Variants in TTC7A observed in about 807,000 individuals in gnomAD.
TTC7A encodes tetratricopeptide repeat protein 7A.
Under a neutral mutation model 103.7 loss-of-function variants are expected in TTC7A, and 110 were observed. The ratio of observed to expected loss-of-function variants is 1.06; its 90% confidence interval spans 0.91 to 1.24. The LOEUF is 1.24. Among genes scored for constraint, TTC7A ranks in the 50% most tolerant of loss-of-function variants. TTC7A has a pLI of 0.00. For synonymous variants in TTC7A, 521 were observed against 467.9 expected (o/e 1.11, Z -1.47); for missense variants, 1,340 against 1,116.3 (o/e 1.20, Z -2.86).
At chr2:47,019,472 C>T (rs541338793) in intron 11 of TTC7A, among the ~76,000 whole-genome samples, 24 of 152,194 alleles carry the variant, frequency 1.6e-4, no homozygotes, top group African/African-American at 4.8e-4. Flanking sequence ...CAAATGCTGA[C>T]ACCAGGCTTA....
At chr2:47,031,340 G>A (rs1235434485) in intron 15 of TTC7A, among the ~76,000 whole-genome samples, 1 of 152,156 alleles carries the variant, frequency 6.6e-6, no homozygotes, top group African/African-American at 2.4e-5. Context: ...AAAAGATGTA[G>A]GTTCCCCACT....
At chr2:46,928,045 C>T (rs1424489166) in intron 2 of TTC7A, among the ~76,000 whole-genome samples, 1 of 151,648 alleles carries the variant, frequency 6.6e-6, no homozygotes, top group Non-Finnish European at 1.5e-5. Context: ...GCATACACCA[C>T]CACGCCCAGC....
chr2:46,960,237 A>C lies in TTC7A; in HGVS notation c.517+3230A>C, dbSNP rs559912364. Among the ~76,000 whole-genome samples the C allele has an allele frequency of 4.6e-5, 7 of 152,278 alleles. No individual in the cohort carries two copies. The East Asian group carries it at 1.2e-3, about 25-fold the overall frequency. On this transcript the variant is annotated intron_variant, in intron 3 of 19. Coordinates refer to ENST00000319190, the MANE Select transcript of TTC7A (RefSeq NM_020458.4). ...CTTCAGCTGCTCCTGGCTGCAGAGAAGTCATCATATTGACCTGTTGCTCAG... is the reference window on the plus strand; with the variant it reads ...CTTCAGCTGCTCCTGGCTGCAGAGACGTCATCATATTGACCTGTTGCTCAG...
At chr2:46,994,151 T>C in intron 6 of TTC7A, 2 of 599,638 alleles carry the variant, frequency 3.3e-6, no homozygotes, top group Non-Finnish European at 5.9e-6. Context: ...AGGAGCCGTC[T>C]GAGGCCAGCA....
intron 19 of TTC7A, among the ~76,000 whole-genome samples, chr2:47,064,972 G>A (rs1684068262): frequency 6.6e-6 from 1 of 152,214 alleles, no homozygotes; most frequent in African/African-American, 2.4e-5. Flanking sequence ...AGATACTCAG[G>A]GAAAACGAGA....
intron 2 of TTC7A, among the ~76,000 whole-genome samples, chr2:46,919,644 T>A (rs1668995407): frequency 6.6e-6 from 1 of 152,242 alleles, no homozygotes; most frequent in Non-Finnish European, 1.5e-5. Flanking sequence ...ATCTCAAGCC[T>A]GGTTAACAAC....
chr2:46,982,220 C>G (rs1453723587), intron 5 of TTC7A, among the ~76,000 whole-genome samples: 1 of 151,618 alleles, frequency 6.6e-6, no homozygotes, highest in East Asian at 1.9e-4. Flanking sequence ...AAAAAATAAA[C>G]AAAACTGGCC....
intron 19 of TTC7A, among the ~76,000 whole-genome samples, chr2:47,067,250 C>G (rs886599007): frequency 2.0e-5 from 3 of 152,388 alleles, no homozygotes; most frequent in East Asian, 1.9e-4. Context: ...AATCTAGACT[C>G]TCTTGTGACT....
intron 11 of TTC7A, among the ~76,000 whole-genome samples, chr2:47,017,198 C>G (rs1307195901): frequency 4.9e-5 from 3 of 61,366 alleles, no homozygotes; most frequent in African/African-American, 1.6e-4. Context: ...GACACTCTGT[C>G]TCAAAAAAAA....
intron 2 of TTC7A, among the ~76,000 whole-genome samples, chr2:46,935,511 G>A (rs1669935181): frequency 1.3e-5 from 2 of 152,176 alleles, no homozygotes; most frequent in Admixed American, 6.5e-5. Context: ...TCAGGGTAGT[G>A]TTCTCCCTTC....
chr2:47,046,392 T>C lies in TTC7A; in HGVS notation c.1880T>C (p.Leu627Pro), dbSNP rs768074704. The C allele has an allele frequency of 1.2e-6, 2 of 1,614,206 alleles. No homozygotes were observed. Among genetic ancestry groups the C allele is most frequent in the East Asian group, 2.2e-5 (1 of 44,872 alleles). The change falls in exon 16 of 20, where the codon CTG becomes CCG. Residue 627 changes from leucine to proline, a missense_variant. Leu to Pro is a moderately conservative substitution (Grantham distance 98). Coordinates refer to ENST00000319190, the MANE Select transcript of TTC7A (RefSeq NM_020458.4). ...GCCCTCGTGACCTGCAGACAAGTGC[T>C]GAGGCTGTGGCAGACCCTGTACAGC... ...EEALVTCRQV[L>P]RLWQTLYSFS...
chr2:47,056,331 T>C (rs111798292), intron 18 of TTC7A, among the ~76,000 whole-genome samples: 225 of 152,322 alleles, frequency 1.5e-3, no homozygotes, highest in African/African-American at 5.2e-3. Flanking sequence ...GTGAATTCTT[T>C]TGGGGGGACT....
intron 19 of TTC7A, among the ~76,000 whole-genome samples, chr2:47,065,014 T>C (rs2104797216): frequency 6.6e-6 from 1 of 152,316 alleles, no homozygotes; most frequent in South Asian, 2.1e-4. Flanking sequence ...GAGGCCCAGC[T>C]CAGTGGCTCA....
At chr2:47,067,288 A>G (rs954181268) in intron 19 of TTC7A, among the ~76,000 whole-genome samples, 1 of 152,254 alleles carries the variant, frequency 6.6e-6, no homozygotes, top group African/African-American at 2.4e-5. Flanking sequence ...GGCTCAGGTG[A>G]ACTGAAAGCT....
intron 19 of TTC7A, chr2:47,065,766 C>G (rs1312302511): frequency 6.6e-6 from 1 of 152,278 alleles, no homozygotes; most frequent in Non-Finnish European, 1.5e-5. Flanking sequence ...CACCCACTCT[C>G]CCTGCCCTCA....
At chr2:46,919,168 G>C (rs1051467401) in intron 2 of TTC7A, among the ~76,000 whole-genome samples, 16 of 152,192 alleles carry the variant, frequency 1.1e-4, no homozygotes, top group African/African-American at 3.6e-4. Context: ...TTTTAGTATT[G>C]CTTTGATGTT....
Position 46,956,851 on chromosome 2 carries a change from T to C in TTC7A, c.361T>C (p.Cys121Arg). Residue 121 changes from cysteine to arginine, a missense_variant, in exon 3 of 20, where the codon TGT becomes CGT. Cys to Arg is a radical substitution (Grantham distance 180). Coordinates refer to ENST00000319190, the MANE Select transcript of TTC7A (RefSeq NM_020458.4). ...NHGRLSPQYMCEAMLILGKLH... is the reference protein window; with the variant it reads ...NHGRLSPQYMREAMLILGKLH... Reference sequence around the variant, plus strand: ...CTTGTCATTTCAGCCACAGTACATGTGTGAGGCCATGCTGATCCTGGGCAA... The same window carrying C: ...CTTGTCATTTCAGCCACAGTACATGCGTGAGGCCATGCTGATCCTGGGCAA... 1 of 1,614,150 alleles carries C rather than the reference T, an allele frequency of 6.2e-7. No homozygotes were observed. Among genetic ancestry groups the C allele is most frequent in the African/African-American group, 1.3e-5 (1 of 75,022 alleles).
intron 8 of TTC7A, 46 bp downstream of exon 8, chr2:46,995,245 G>GT: frequency 6.2e-7 from 1 of 1,602,632 alleles, no homozygotes; most frequent in Non-Finnish European, 8.5e-7. Context: ...CTCTGACCCT[G>GT]TGGGGAAGGG....
intron 3 of TTC7A, among the ~76,000 whole-genome samples, chr2:46,957,972 C>T (rs1672033804): frequency 1.3e-5 from 2 of 152,084 alleles, no homozygotes; most frequent in African/African-American, 2.4e-5. Context: ...GAAACTGAGG[C>T]CCAGAGAGGA....
Sources: allele counts gnomAD v4.1 joint callset (sites outside exome capture counted in the v4.1 genomes callset), GRCh38; gene constraint gnomAD v4.1.1; transcripts MANE v1.5; gene names NCBI Gene and HGNC (gene_info 2026-07-23, HGNC 2026-07-21).